The following HDAC8 variants were observed in gnomAD, a reference collection of about 807,000 sequenced individuals.
The protein encoded by HDAC8 is histone deacetylase-like 1.
In HDAC8, 1 loss-of-function variant was observed where a neutral mutation model predicts 32.2. The ratio of observed to expected loss-of-function variants is 0.03; its 90% CI spans 0.01 to 0.15. HDAC8 has a LOEUF of 0.15. Among genes scored for constraint, HDAC8 ranks in the 10% least tolerant of loss-of-function variants. HDAC8 has a pLI of 1.00. For missense variants in HDAC8, 117 were observed against 300.0 expected (o/e 0.39, Z 4.51); for synonymous variants, 108 against 113.9 (o/e 0.95, Z 0.33).
chrX:72,408,529 C>T (rs1454669240), intron 9 of HDAC8, among the ~76,000 whole-genome samples: 4 of 111,214 alleles, frequency 3.6e-5, no homozygotes, highest in East Asian at 2.8e-4. Context: ...GTCAGCCTCC[C>T]GAGTAGCTGG....
intron 9 of HDAC8, among the ~76,000 whole-genome samples, chrX:72,427,510 C>T (rs1555975861): frequency 9.5e-6 from 1 of 105,480 alleles, no homozygotes; most frequent in African/African-American, 3.5e-5. Flanking sequence ...TAAAACCAAA[C>T]ACCGCATGTT....
At chrX:72,570,527 T>C (rs1306129306) in intron 2 of HDAC8, among the ~76,000 whole-genome samples, 1 of 107,084 alleles carries the variant, frequency 9.3e-6, no homozygotes, top group Non-Finnish European at 1.9e-5. Context: ...GAGAATCGCT[T>C]GAACCTGGGA....
intron 9 of HDAC8, among the ~76,000 whole-genome samples, chrX:72,431,228 A>G (rs1218156430): frequency 2.7e-5 from 3 of 111,782 alleles, no homozygotes; most frequent in African/African-American, 3.3e-5. Flanking sequence ...ACCTCCCGCA[A>G]CGTGCCTTCT....
chrX:72,399,782 A>G (rs1021831822), intron 9 of HDAC8, among the ~76,000 whole-genome samples: 2 of 112,242 alleles, frequency 1.8e-5, no homozygotes, highest in African/African-American at 6.5e-5. Context: ...TGTTTGGTTT[A>G]TTCCCAGACA....
intron 9 of HDAC8, among the ~76,000 whole-genome samples, chrX:72,428,850 T>C (rs1192530894): frequency 9.0e-6 from 1 of 111,641 alleles, no homozygotes; most frequent in Non-Finnish European, 1.9e-5. Context: ...TGTGGGACCT[T>C]AGGCCAACCA....
chrX:72,475,630 G>A (rs1246689544), intron 7 of HDAC8, among the ~76,000 whole-genome samples: 1 of 111,875 alleles, frequency 8.9e-6, no homozygotes, highest in African/African-American at 3.3e-5. Context: ...CTTGCAGTGA[G>A]CATGATGTGT....
At chrX:72,349,421 C>G (rs1403822790) in intron 10 of HDAC8, among the ~76,000 whole-genome samples, 1 of 112,502 alleles carries the variant, frequency 8.9e-6, no homozygotes, top group Non-Finnish European at 1.9e-5. Context: ...CCCTAATTCT[C>G]TTTTAGCAAA....
At chrX:72,383,636 C>T (rs904103646) in intron 9 of HDAC8, among the ~76,000 whole-genome samples, 3 of 110,558 alleles carry the variant, frequency 2.7e-5, no homozygotes, top group Non-Finnish European at 1.9e-5. Context: ...TTTGGGAGGC[C>T]GAGGCGGGCG....
intron 4 of HDAC8, among the ~76,000 whole-genome samples, chrX:72,517,887 T>C (rs1603150510): frequency 9.0e-6 from 1 of 111,634 alleles, no homozygotes; most frequent in African/African-American, 3.3e-5. Context: ...CATTTCCATA[T>C]GAATTTTAGG....
Position 72,483,623 on chromosome X carries a change from T to C in HDAC8, c.737+5310A>G, listed in dbSNP as rs782238705. Among the ~76,000 whole-genome samples, 71 of 111,201 alleles carry C rather than the reference T, an allele frequency of 6.4e-4. 1 individual carries two copies. Among genetic ancestry groups the C allele is most frequent in the African/African-American group, 2.2e-3 (66 of 30,594 alleles). ...TCCTTTATAACAATGCAAAACAGAC[T>C]AACACACCTTATAAAGTGACTTGAG... On this transcript the variant is annotated intron_variant, in intron 7 of 10. Coordinates refer to ENST00000373573, the MANE Select transcript of HDAC8 (RefSeq NM_018486.3).
At chrX:72,345,619 TA>T (rs782092670) in intron 10 of HDAC8, among the ~76,000 whole-genome samples, 75 of 111,779 alleles carry the variant, frequency 6.7e-4, no homozygotes, top group African/African-American at 2.3e-3. Context: ...CATGGTTTCT[TA>T]AAAGTTGCTG....
intron 7 of HDAC8, among the ~76,000 whole-genome samples, chrX:72,488,072 A>G (rs1047270715): frequency 6.3e-5 from 7 of 111,800 alleles, no homozygotes; most frequent in African/African-American, 2.3e-4. Context: ...GCTAAGAAGC[A>G]CTTTTGAAGC....
intron 6 of HDAC8, among the ~76,000 whole-genome samples, chrX:72,490,364 C>T (rs1371153140): frequency 4.6e-5 from 5 of 108,213 alleles, no homozygotes; most frequent in African/African-American, 1.7e-4. Flanking sequence ...AAATGTCCAA[C>T]AATGATAGAC....
chrX:72,378,055 G>A (rs1481567919), intron 9 of HDAC8, among the ~76,000 whole-genome samples: 2 of 108,433 alleles, frequency 1.8e-5, no homozygotes, highest in African/African-American at 6.7e-5. Context: ...TTTTTTTAGT[G>A]GTTGCCTGAG....
At chrX:72,332,789 T>C (rs1331276440) in intron 10 of HDAC8, among the ~76,000 whole-genome samples, 2 of 110,807 alleles carry the variant, frequency 1.8e-5, no homozygotes, top group East Asian at 5.7e-4. Flanking sequence ...GTAGCTGGGA[T>C]TACAGGCATG....
At chrX:72,454,590 G>A (rs961130214) in intron 9 of HDAC8, among the ~76,000 whole-genome samples, 14 of 112,227 alleles carry the variant, frequency 1.2e-4, no homozygotes, top group African/African-American at 2.6e-4. Flanking sequence ...AAAATAATTC[G>A]TCATTTAAAT....
At chrX:72,438,028 C>A (rs1431014105) in intron 9 of HDAC8, among the ~76,000 whole-genome samples, 2 of 112,292 alleles carry the variant, frequency 1.8e-5, no homozygotes, top group African/African-American at 3.2e-5. Context: ...GGGTCCCTGA[C>A]CCCTGTGCCT....
chrX:72,525,339 C>T (rs2050106403), intron 4 of HDAC8, among the ~76,000 whole-genome samples: 1 of 110,856 alleles, frequency 9.0e-6, no homozygotes, highest in Non-Finnish European at 1.9e-5. Flanking sequence ...TCTACCCAGA[C>T]GAAAGCTTGG....
intron 9 of HDAC8, among the ~76,000 whole-genome samples, chrX:72,421,202 CTTTTT>C (rs1330659045): frequency 3.8e-5 from 4 of 106,562 alleles, no homozygotes; most frequent in Non-Finnish European, 5.9e-5. Context: ...TTGATACCAA[CTTTTT>C]TTTTTTAATT....
Sources: allele counts gnomAD v4.1 joint callset (sites outside exome capture counted in the v4.1 genomes callset), GRCh38; gene constraint gnomAD v4.1.1; transcripts MANE v1.5; gene names NCBI Gene and HGNC (gene_info 2026-07-23, HGNC 2026-07-21).